The following SERGEF variants were observed in gnomAD, a reference collection of about 807,000 sequenced individuals.
SERGEF encodes secretion regulating guanine nucleotide exchange factor.
In SERGEF, 51 loss-of-function variants were observed where a neutral mutation model predicts 50.0. That is an observed-to-expected ratio of 1.02 (90% CI 0.81 to 1.29). The LOEUF (loss-of-function observed/expected upper bound fraction) is 1.29, where lower values mean the gene tolerates loss of function less well. Among genes scored for constraint, SERGEF ranks in the 50% most tolerant of loss-of-function variants. The pLI, the probability that SERGEF is intolerant of heterozygous loss-of-function variation, is 0.00. For missense variants in SERGEF, 521 were observed against 557.0 expected (o/e 0.94, Z 0.65); for synonymous variants, 205 against 212.4 (o/e 0.97, Z 0.30).
At chr11:17,919,945 TAAA>T (rs58325345) in intron 9 of SERGEF, among the ~76,000 whole-genome samples, 1 of 114,336 alleles carries the variant, frequency 8.7e-6, no homozygotes. Context: ...AAACTCCATC[TAAA>T]AAAAAAAAAA....
At chr11:17,819,098 G>A (rs17792588) in intron 10 of SERGEF, among the ~76,000 whole-genome samples, 2,043 of 152,222 alleles carry the variant, frequency 0.013, 25 homozygotes, top group Non-Finnish European at 0.019. Flanking sequence ...TCCATGGTAC[G>A]CCAGTGGTTG....
Position 17,884,714 on chromosome 11 carries a change from C to CAT in SERGEF, c.1012-6472_1012-6471dup, listed in dbSNP as rs1470379876. Among the ~76,000 whole-genome samples the CAT allele has an allele frequency of 2.6e-5, 4 of 151,946 alleles. No homozygotes were observed. The highest frequency in any genetic ancestry group is 4.8e-5 in the African/African-American group (2 of 41,334). On this transcript the variant is annotated intron_variant, in intron 9 of 10. Transcript: ENST00000265965. This position sits in a 1 kb window ranked among gnomAD's most constrained non-coding sequence, Gnocchi z 4.6. The stretch of plus-strand genomic sequence containing the variant: ...GTGGGCTTGAATTTGTATTTTATTT[C>CAT]ATATATATGTGTATATGTTATATAT...
chr11:17,788,348 C>T lies in SERGEF; in HGVS notation c.1114G>A (p.Val372Ile), dbSNP rs138466972. The T allele has an allele frequency of 5.8e-5, 94 of 1,614,010 alleles. No homozygotes were observed. Among genetic ancestry groups the T allele is most frequent in the Non-Finnish European group, 7.3e-5 (86 of 1,179,986 alleles). ...GMCGDGTEAN[V>I]WAPKPVQALL... ...GCCTGCACCGGCTTTGGGGCCCAGACGTTGGCTTCAGTGCCATCTCCGCAC... is the reference window on the plus strand; with the variant it reads ...GCCTGCACCGGCTTTGGGGCCCAGATGTTGGCTTCAGTGCCATCTCCGCAC... Residue 372 changes from valine to isoleucine, a missense_variant, in exon 11 of 11, where the codon GTC becomes ATC. Physicochemically the swap from Val to Ile is conservative, Grantham distance 29 (BLOSUM62 3). Coordinates refer to ENST00000265965, the MANE Select transcript of SERGEF (RefSeq NM_012139.4).
At chr11:17,893,334 C>T (rs1389414113) in intron 9 of SERGEF, among the ~76,000 whole-genome samples, 1 of 152,166 alleles carries the variant, frequency 6.6e-6, no homozygotes, top group African/African-American at 2.4e-5. Context: ...TGAACCTTTG[C>T]TTCTTCATTG....
chr11:17,910,891 G>A (rs1168727964), intron 9 of SERGEF, among the ~76,000 whole-genome samples: 1 of 152,166 alleles, frequency 6.6e-6, no homozygotes, highest in Non-Finnish European at 1.5e-5. Flanking sequence ...GTGGCCAGGA[G>A]GGCCTCGTGG....
chr11:17,896,760 G>GAAGGGAAGGGTAAGGGAAGGAT (rs1565198036), intron 9 of SERGEF, among the ~76,000 whole-genome samples: 1,217 of 59,992 alleles, frequency 0.02, 164 homozygotes, highest in Non-Finnish European at 0.035. Flanking sequence ...AAGGGTAAGG[G>GAAGGGAAGGGTAAGGGAAGGAT]AAGGGAAGGG....
chr11:17,812,754 CT>C (rs772334750), intron 10 of SERGEF, among the ~76,000 whole-genome samples: 2 of 152,238 alleles, frequency 1.3e-5, no homozygotes, highest in Non-Finnish European at 2.9e-5. Context: ...ATACTGCTTA[CT>C]TACTCTGCCC....
intron 1 of SERGEF, 177 bp downstream of exon 1, chr11:18,012,774 T>TGCCC: frequency 1.1e-5 from 14 of 1,285,074 alleles, no homozygotes; most frequent in East Asian, 2.9e-5. Context: ...GACCCTTCCT[T>TGCCC]CCCCGCCCGC....
At chr11:17,947,564 T>C (rs182220421) in intron 9 of SERGEF, among the ~76,000 whole-genome samples, 53 of 152,342 alleles carry the variant, frequency 3.5e-4, no homozygotes, top group African/African-American at 1.2e-3. Flanking sequence ...GAGGGAAGAA[T>C]GAGCTGTTAC....
chr11:17,979,965 G>A (rs1387719145), intron 8 of SERGEF, among the ~76,000 whole-genome samples: 2 of 152,092 alleles, frequency 1.3e-5, no homozygotes, highest in African/African-American at 4.8e-5. Context: ...GTTCAGTGCT[G>A]TCATTACACC....
intron 10 of SERGEF, among the ~76,000 whole-genome samples, chr11:17,810,910 G>A (rs1849858354): frequency 6.6e-6 from 1 of 152,106 alleles, no homozygotes; most frequent in African/African-American, 2.4e-5. Context: ...GAACAGAGAT[G>A]ATACATTCAA....
chr11:18,008,377 G>C (rs192430839), intron 1 of SERGEF, among the ~76,000 whole-genome samples: 1 of 152,332 alleles, frequency 6.6e-6, no homozygotes, highest in Admixed American at 6.5e-5. Context: ...GGAAATTCAT[G>C]TCCAGGAAAG....
At position 17,965,500 on chromosome 11, in the gene SERGEF, T is replaced by C. The variant is rs529407800; in HGVS notation, c.845-5864A>G. 3.2e-4 allele frequency among the ~76,000 whole-genome samples: 48 copies of C among 152,304 alleles called. No homozygotes were observed. In the South Asian group the frequency reaches 6.0e-3, roughly 19 times the overall value. ...GTCAACTCCTACTCATCTTCAACTCTGCCCACTACTCAACTCAGATCAGGT... is the reference window on the plus strand; with the variant it reads ...GTCAACTCCTACTCATCTTCAACTCCGCCCACTACTCAACTCAGATCAGGT... On this transcript the variant is annotated intron_variant, in intron 8 of 10. Transcript: ENST00000265965.
intron 9 of SERGEF, among the ~76,000 whole-genome samples, chr11:17,921,495 T>C (rs1852154695): frequency 6.6e-6 from 1 of 152,304 alleles, no homozygotes; most frequent in Non-Finnish European, 1.5e-5. Flanking sequence ...GCAGCAGAAT[T>C]TACAAACCAC....
chr11:17,879,820 T>C (rs1690354158), intron 9 of SERGEF, among the ~76,000 whole-genome samples: 1 of 152,210 alleles, frequency 6.6e-6, no homozygotes, highest in Non-Finnish European at 1.5e-5. Flanking sequence ...CAAAACATCA[T>C]ATTGTATACA....
rs150965683 is a variant in SERGEF, at chr11:17,818,121, G to A, written c.1049-29708C>T. On this transcript the variant is annotated intron_variant, in intron 10 of 10. Coordinates refer to ENST00000265965, the MANE Select transcript of SERGEF (RefSeq NM_012139.4). ...AGTTCATGGACACTATACAGTTACG[G>A]TTTTCTGGGTGTCCGCTCTGCCCCA... is the stretch of plus-strand genomic sequence containing the variant. Among the ~76,000 whole-genome samples, 591 of 152,292 alleles carry A rather than the reference G, an allele frequency of 3.9e-3. 5 individuals carry two copies. The highest frequency in any genetic ancestry group is 6.2e-3 in the Non-Finnish European group (424 of 68,034).
In SERGEF at chr11:17,878,235, C is replaced by A; in HGVS notation, c.1021G>T (p.Gly341Cys). ...ATTATTGCCAAATTATGCTCTGAGC[C>A]ACAAGAGACCTGTAAAAAAAAAAAA... ...CLTGATEVSCGSEHNLAIIGG... is the reference protein window; with the variant it reads ...CLTGATEVSCCSEHNLAIIGG... Residue 341 changes from glycine to cysteine, a missense_variant, in exon 10 of 11, where the codon GGC becomes TGC. Physicochemically the swap from Gly to Cys is radical, Grantham distance 159. Coordinates refer to ENST00000265965, the MANE Select transcript of SERGEF (RefSeq NM_012139.4). 6.4e-7 allele frequency: 1 copy of A among 1,571,338 alleles called. No homozygotes were observed. The highest frequency in any genetic ancestry group is 1.8e-5 in the Admixed American group (1 of 56,910).
chr11:17,886,431 G>A (rs559355758), intron 9 of SERGEF, among the ~76,000 whole-genome samples: 11 of 152,086 alleles, frequency 7.2e-5, no homozygotes, highest in African/African-American at 2.2e-4. Context: ...GCAACATGGC[G>A]AAACCCTGTC....
intron 9 of SERGEF, among the ~76,000 whole-genome samples, chr11:17,931,625 T>C (rs1436155528): frequency 6.6e-6 from 1 of 152,146 alleles, no homozygotes; most frequent in Admixed American, 6.6e-5. Context: ...AGTGGCAAAC[T>C]AGAACCCAGT....
Sources: gnomAD v4.1 joint callset for allele counts (sites outside exome capture counted in the v4.1 genomes callset) on GRCh38, gnomAD v4.1.1 for gene constraint, Gnocchi (gnomAD v3.1) non-coding constraint, MANE v1.5 for transcripts, NCBI Gene and HGNC (gene_info 2026-07-23, HGNC 2026-07-21) for gene names.